Variants in ASIP observed in about 807,000 individuals in gnomAD.
ASIP encodes the protein agouti-signaling protein.
ASIP carries 11 observed loss-of-function variants against 10.3 expected under a neutral mutation model. The ratio of observed to expected loss-of-function variants is 1.07; its 90% CI spans 0.68 to 1.78. ASIP has a LOEUF of 1.78. Among genes scored for constraint, ASIP ranks in the 40% most tolerant of loss-of-function variants. ASIP has a pLI of 0.00. For missense variants in ASIP, 180 were observed against 169.2 expected (o/e 1.06, Z -0.35); for synonymous variants, 70 against 70.8 (o/e 0.99, Z 0.06).
intron 1 of ASIP, among the ~76,000 whole-genome samples, chr20:34,252,637 T>C (rs1440248000): frequency 6.6e-6 from 1 of 152,166 alleles, no homozygotes; most frequent in Non-Finnish European, 1.5e-5. Flanking sequence ...GCCTTCCTCT[T>C]ATCTCAACTG....
intron 1 of ASIP, chr20:34,215,801 G>C (rs2035004214): frequency 6.5e-7 from 1 of 1,539,588 alleles, no homozygotes; most frequent in Non-Finnish European, 9.0e-7. Flanking sequence ...GGCATCTGGG[G>C]AAATCTTTAA....
At chr20:34,258,899 T>C (rs2035639789) in intron 1 of ASIP, among the ~76,000 whole-genome samples, 2 of 133,926 alleles carry the variant, frequency 1.5e-5, no homozygotes, top group Admixed American at 1.8e-4. Flanking sequence ...ATATATATAG[T>C]GTATATATAT....
intron 1 of ASIP, among the ~76,000 whole-genome samples, chr20:34,200,969 TTTCCTTCCTTCCTTCCTTCC>T (rs1179933802): frequency 2.7e-5 from 2 of 72,926 alleles, no homozygotes; most frequent in South Asian, 4.8e-4. Context: ...TCTTTCTTTC[TTTCCTTCCTTCCTTCCTTCC>T]TTCCTTCCTT....
At chr20:34,221,627 A>C (rs1268751097) in intron 1 of ASIP, among the ~76,000 whole-genome samples, 2 of 152,218 alleles carry the variant, frequency 1.3e-5, no homozygotes, top group East Asian at 3.8e-4. Context: ...AAACAGACAC[A>C]TTTAGACTTG....
intron 1 of ASIP, among the ~76,000 whole-genome samples, chr20:34,235,853 G>GA (rs2035184895): frequency 2.2e-5 from 1 of 46,022 alleles, no homozygotes; most frequent in Non-Finnish European, 3.3e-5. Context: ...AGGAAGGAAG[G>GA]AAGGAAGGAA....
upstream of ASIP, among the ~76,000 whole-genome samples, chr20:34,240,227 T>C (rs1601589479): frequency 6.6e-6 from 1 of 152,214 alleles, no homozygotes; most frequent in Admixed American, 6.5e-5. Context: ...AAAACTATTC[T>C]TAAAGTCATG....
At chr20:34,255,919 G>A (rs2035560312) in intron 1 of ASIP, among the ~76,000 whole-genome samples, 1 of 152,096 alleles carries the variant, frequency 6.6e-6, no homozygotes, top group Non-Finnish European at 1.5e-5. Flanking sequence ...AGTTAGAGAA[G>A]ACTCTGCTCC....
intron 1 of ASIP, among the ~76,000 whole-genome samples, chr20:34,256,328 T>G (rs1568767162): frequency 6.6e-6 from 1 of 152,170 alleles, no homozygotes. Flanking sequence ...TGTGCCTTGG[T>G]GGTAGTGGTC....
upstream of ASIP, among the ~76,000 whole-genome samples, chr20:34,192,540 G>A (rs2034831046): frequency 7.2e-6 from 1 of 139,734 alleles, no homozygotes; most frequent in Admixed American, 7.2e-5. Flanking sequence ...TTTTTCCTGA[G>A]ATGAGAGAAA....
At chr20:34,241,902 C>T (rs113670363) in intron 1 of ASIP, among the ~76,000 whole-genome samples, 4 of 152,274 alleles carry the variant, frequency 2.6e-5, no homozygotes, top group African/African-American at 7.2e-5. Context: ...TCAGTCTGCA[C>T]GTGTAGCATT....
At chr20:34,231,481 C>T (rs1438429411) in intron 1 of ASIP, among the ~76,000 whole-genome samples, 1 of 152,166 alleles carries the variant, frequency 6.6e-6, no homozygotes, top group Non-Finnish European at 1.5e-5. Context: ...GCAAAGATTT[C>T]TTAAATATGA....
chr20:34,262,720 T>C, intron 2 of ASIP, 112 bp from the exon 3 acceptor site: 1 of 1,198,442 alleles, frequency 8.3e-7, no homozygotes, highest in South Asian at 1.2e-5. Flanking sequence ...AGCACGCTTC[T>C]TCTCCTCTCC....
chr20:34,193,245 C>T (rs2034835518), upstream of ASIP, among the ~76,000 whole-genome samples: 1 of 152,230 alleles, frequency 6.6e-6, no homozygotes. Flanking sequence ...TACAGCATTT[C>T]TACAACCTCT....
intron 1 of ASIP, among the ~76,000 whole-genome samples, chr20:34,197,941 G>T (rs2034869117): frequency 6.6e-6 from 1 of 152,060 alleles, no homozygotes; most frequent in African/African-American, 2.4e-5. Flanking sequence ...TCCTCTACTA[G>T]CAAGAATTCT....
chr20:34,258,676 T>TATATATATATATATATATATATATATAC (rs2035617105), intron 1 of ASIP, among the ~76,000 whole-genome samples: 1 of 66,004 alleles, frequency 1.5e-5, no homozygotes, highest in Non-Finnish European at 2.3e-5. Flanking sequence ...GGGGATGCCA[T>TATATATATATATATATATATATATATAC]ATATATATAT....
At chr20:34,188,158 C>A in the ASIP span, among the ~76,000 whole-genome samples, 42 of 152,230 alleles carry the variant, frequency 2.8e-4, no homozygotes, top group African/African-American at 9.9e-4. Flanking sequence ...GCCATTCTAT[C>A]CTAGTTCCCA....
chr20:34,217,421 G>C (rs1157738957), intron 1 of ASIP, among the ~76,000 whole-genome samples: 1 of 151,272 alleles, frequency 6.6e-6, no homozygotes, highest in Non-Finnish European at 1.5e-5. Context: ...CTGGGGGACA[G>C]AATGAGACTC....
intron 1 of ASIP, among the ~76,000 whole-genome samples, chr20:34,244,069 C>T (rs1372582051): frequency 6.6e-6 from 1 of 151,988 alleles, no homozygotes; most frequent in Admixed American, 6.6e-5. Context: ...CATCTCAAAA[C>T]AAACAAACAA....
chr20:34,238,539 A>C (rs916121149), upstream of ASIP, among the ~76,000 whole-genome samples: 1 of 151,764 alleles, frequency 6.6e-6, no homozygotes, highest in African/African-American at 2.4e-5. Context: ...ATCTCTATTG[A>C]TATTCCCCTT....
Sources: gnomAD v4.1 joint callset for allele counts (sites outside exome capture counted in the v4.1 genomes callset) on GRCh38, gnomAD v4.1.1 for gene constraint, MANE v1.5 for transcripts, NCBI Gene and HGNC (gene_info 2026-07-23, HGNC 2026-07-21) for gene names.